The following SRPK2 variants were observed in gnomAD, a reference collection of about 807,000 sequenced individuals.
SRPK2 encodes SFRS protein kinase 2.
In SRPK2, 21 loss-of-function variants were observed where a neutral mutation model predicts 90.8. That is an observed-to-expected ratio of 0.23 (90% CI 0.16 to 0.33). The LOEUF (loss-of-function observed/expected upper bound fraction) is 0.33. Among genes scored for constraint, SRPK2 ranks in the 10% least tolerant of loss-of-function variants. The pLI is 1.00. For synonymous variants in SRPK2, 288 were observed against 311.1 expected, an observed-to-expected ratio of 0.93 and a Z score of 0.78; for missense variants, 620 against 869.0, an observed-to-expected ratio of 0.71 and a Z score of 3.60.
intron 2 of SRPK2, among the ~76,000 whole-genome samples, chr7:105,300,906 T>C (rs1810466751): frequency 6.6e-6 from 1 of 152,190 alleles, no homozygotes; most frequent in Non-Finnish European, 1.5e-5. Flanking sequence ...GGAACACTTT[T>C]ACACTGTTGG....
intron 2 of SRPK2, among the ~76,000 whole-genome samples, chr7:105,234,946 C>A (rs1364691409): frequency 6.6e-6 from 1 of 152,226 alleles, no homozygotes; most frequent in Non-Finnish European, 1.5e-5. Flanking sequence ...CAGCCCAGGA[C>A]GGCTTTGAAT....
At chr7:105,289,455 T>C (rs117909592) in intron 2 of SRPK2, among the ~76,000 whole-genome samples, 41 of 152,216 alleles carry the variant, frequency 2.7e-4, no homozygotes, top group African/African-American at 9.6e-4. Context: ...CCAGTGCATA[T>C]ACAAGTTCTG....
chr7:105,385,171 A>C (rs1290284787), intron 2 of SRPK2, among the ~76,000 whole-genome samples: 6 of 49,668 alleles, frequency 1.2e-4, no homozygotes, highest in Non-Finnish European at 1.0e-4. Context: ...CGCGCCCGGC[A>C]TTTTTTTTTT....
At chr7:105,284,349 C>T (rs990309903) in intron 2 of SRPK2, among the ~76,000 whole-genome samples, 7 of 152,250 alleles carry the variant, frequency 4.6e-5, no homozygotes, top group East Asian at 1.9e-4. Flanking sequence ...CTCTCGTGTA[C>T]GCCATCTTAG....
At chr7:105,286,844 C>A (rs957982914) in intron 2 of SRPK2, among the ~76,000 whole-genome samples, 3 of 152,312 alleles carry the variant, frequency 2.0e-5, no homozygotes, top group Admixed American at 1.3e-4. Context: ...CCTAGAAAGA[C>A]ATTTACACGT....
intron 2 of SRPK2, among the ~76,000 whole-genome samples, chr7:105,276,050 T>C (rs1806438877): frequency 6.6e-6 from 1 of 151,908 alleles, no homozygotes; most frequent in African/African-American, 2.4e-5. Flanking sequence ...AAACTTAATT[T>C]TGTTTGGGGT....
At chr7:105,275,426 G>GT (rs1448916661) in intron 2 of SRPK2, among the ~76,000 whole-genome samples, 1 of 48,494 alleles carries the variant, frequency 2.1e-5, no homozygotes, top group Non-Finnish European at 6.0e-5. Context: ...ACAATTCACT[G>GT]TGATTTCCCC....
At chr7:105,395,021 G>C (rs892060490) in intron 1 of SRPK2, among the ~76,000 whole-genome samples, 1 of 151,902 alleles carries the variant, frequency 6.6e-6, no homozygotes, top group Non-Finnish European at 1.5e-5. Flanking sequence ...AAAAATACAA[G>C]AATTAGCTAG....
At chr7:105,177,743 C>A (rs1176924446) in intron 3 of SRPK2, among the ~76,000 whole-genome samples, 2 of 152,124 alleles carry the variant, frequency 1.3e-5, no homozygotes, top group Non-Finnish European at 2.9e-5. Context: ...AAAAAACAGG[C>A]TAGGCACGGT....
At chr7:105,366,150 G>A (rs949125635) in intron 2 of SRPK2, among the ~76,000 whole-genome samples, 4 of 152,004 alleles carry the variant, frequency 2.6e-5, no homozygotes, top group African/African-American at 9.7e-5. Context: ...ACCGCACCCG[G>A]CCTAATGATT....
chr7:105,396,742 G>A (rs1822333686), intron 1 of SRPK2, among the ~76,000 whole-genome samples: 1 of 149,770 alleles, frequency 6.7e-6, no homozygotes, highest in Admixed American at 6.7e-5. Flanking sequence ...AGAGGAGGAG[G>A]AGGAGGAGAG....
intron 2 of SRPK2, among the ~76,000 whole-genome samples, chr7:105,369,557 C>T (rs982287281): frequency 2.0e-5 from 3 of 152,160 alleles, no homozygotes; most frequent in Admixed American, 6.6e-5. Flanking sequence ...TTCAGACCCA[C>T]AGCTATACAC....
At chr7:105,236,993 T>C (rs1800222846) in intron 2 of SRPK2, among the ~76,000 whole-genome samples, 1 of 152,212 alleles carries the variant, frequency 6.6e-6, no homozygotes, top group Admixed American at 6.5e-5. Flanking sequence ...ATTTAAATTA[T>C]AGTTGGTGAT....
At chr7:105,311,587 A>C (rs139076559) in intron 2 of SRPK2, among the ~76,000 whole-genome samples, 1 of 152,334 alleles carries the variant, frequency 6.6e-6, no homozygotes, top group Non-Finnish European at 1.5e-5. Flanking sequence ...GGCCAAAAAC[A>C]CATGAAAAGA....
chr7:105,230,996 A>G (rs1563116405), intron 2 of SRPK2, among the ~76,000 whole-genome samples: 1 of 152,202 alleles, frequency 6.6e-6, no homozygotes, highest in Non-Finnish European at 1.5e-5. Flanking sequence ...TCATATAGGT[A>G]AGCTTGTGTC....
chr7:105,334,855 A>C (rs1481416174), intron 2 of SRPK2, among the ~76,000 whole-genome samples: 2 of 150,782 alleles, frequency 1.3e-5, no homozygotes, highest in East Asian at 3.9e-4. Flanking sequence ...AAAACAAAAA[A>C]AAAATTAATT....
rs139137086 is a variant in SRPK2, at chr7:105,185,469, G to C, written c.230-16204C>G. ...GCTCCTGCTGTTCATGGAGTGCAAG[G>C]GTATATATTATAGCACATATCCATG... On this transcript the variant is annotated intron_variant, in intron 3 of 15. Coordinates refer to ENST00000393651, the MANE Select transcript of SRPK2 (RefSeq NM_182692.3). Among the ~76,000 whole-genome samples, 5 of 151,976 alleles carry C rather than the reference G, an allele frequency of 3.3e-5. No individual in the cohort carries two copies. The East Asian group carries it at 9.7e-4, about 29-fold the overall frequency.
At chr7:105,371,917 G>A (rs181546180) in intron 2 of SRPK2, among the ~76,000 whole-genome samples, 2,020 of 152,038 alleles carry the variant, frequency 0.013, 25 homozygotes, top group Admixed American at 0.016. Context: ...GGCAGATCAC[G>A]AGGTCAGGAG....
intron 7 of SRPK2, among the ~76,000 whole-genome samples, chr7:105,153,610 G>A (rs1806070155): frequency 6.6e-6 from 1 of 152,088 alleles, no homozygotes; most frequent in Non-Finnish European, 1.5e-5. Context: ...ATTCTGAACT[G>A]TAAAAAGAAA....
Sources: allele counts gnomAD v4.1 joint callset (sites outside exome capture counted in the v4.1 genomes callset), GRCh38; gene constraint gnomAD v4.1.1; transcripts MANE v1.5; gene names NCBI Gene and HGNC (gene_info 2026-07-23, HGNC 2026-07-21).